Variants in TBX15 observed in about 807,000 individuals in gnomAD.
The protein encoded by TBX15 is T-box transcription factor 15, also known as T-box transcription factor TBX15.
TBX15 carries 18 observed loss-of-function variants against 53.9 expected under a neutral mutation model. The ratio of observed to expected loss-of-function variants is 0.33; its 90% CI spans 0.23 to 0.49. The LOEUF is 0.49. Ranked by LOEUF, TBX15 falls within the 20% of genes least tolerant of loss-of-function variation. The pLI is 0.98. For missense variants in TBX15, 692 were observed against 749.5 expected, an observed-to-expected ratio of 0.92 and a Z score of 0.90; for synonymous variants, 295 against 278.0, an observed-to-expected ratio of 1.06 and a Z score of -0.61.
intron 1 of TBX15, among the ~76,000 whole-genome samples, chr1:118,984,371 G>T (rs1459506560): frequency 6.6e-6 from 1 of 152,246 alleles, no homozygotes; most frequent in South Asian, 2.1e-4. Flanking sequence ...TTCGCTCCGC[G>T]GGAGACCCGG....
intron 2 of TBX15, among the ~76,000 whole-genome samples, chr1:118,929,712 G>T (rs10923699): frequency 0.21 from 31,406 of 152,078 alleles, 4,014 homozygotes; most frequent in East Asian, 0.54. Context: ...TCACAAGAAG[G>T]TTGTCAAGGA....
At chr1:118,939,558 G>C (rs531008577) in intron 1 of TBX15, among the ~76,000 whole-genome samples, 2 of 151,990 alleles carry the variant, frequency 1.3e-5, no homozygotes, top group Admixed American at 1.3e-4. Context: ...TGGTGGAAGA[G>C]GGAGGCATGG....
rs972483917 is a variant in TBX15 at position 118,940,741 on chromosome 1, T to A, written c.206-8909A>T. On this transcript the variant is annotated intron_variant, in intron 1 of 7. Coordinates refer to ENST00000369429, the MANE Select transcript of TBX15 (RefSeq NM_001330677.2). ...TATCAGAAAAACAAAAAAAAATAAA[T>A]AAAGGACAAATATGGGCCCCGACTT... 1.7e-3 allele frequency among the ~76,000 whole-genome samples: 247 copies of A among 144,520 alleles called. 1 individual carries two copies. Among genetic ancestry groups the A allele is most frequent in the Middle Eastern group, 3.6e-3 (1 of 280 alleles). 94.8% of individuals were successfully genotyped at this position (144,520 alleles called of 152,430 possible).
intron 1 of TBX15, among the ~76,000 whole-genome samples, chr1:118,953,938 C>T (rs1169375067): frequency 6.6e-6 from 1 of 152,162 alleles, no homozygotes; most frequent in African/African-American, 2.4e-5. Flanking sequence ...CTTTGCCTAC[C>T]CTTCTAAGTT....
chr1:118,884,428 CATT>C lies in TBX15; in HGVS notation c.*301_*303del, dbSNP rs977354006. The C allele has an allele frequency of 5.8e-5, 25 of 432,960 alleles. No homozygotes were observed. The highest frequency in any genetic ancestry group is 5.0e-4 in the African/African-American group (25 of 50,110). 26.8% of individuals were successfully genotyped at this position (432,960 alleles called of 1,614,324 possible). Reference sequence around the variant, plus strand: ...TGCCACACACTAGCATCTCCCTTAACATTATGACGAAGTGATTATTCAGTCTCT... The same window carrying C: ...TGCCACACACTAGCATCTCCCTTAACATGACGAAGTGATTATTCAGTCTCT... On this transcript the variant is annotated 3_prime_UTR_variant, in exon 8 of 8. Transcript: ENST00000369429.
chr1:118,943,837 G>A (rs1034508092), intron 1 of TBX15, among the ~76,000 whole-genome samples: 1 of 152,194 alleles, frequency 6.6e-6, no homozygotes, highest in Admixed American at 6.5e-5. Flanking sequence ...ACGAGCAGGA[G>A]GCCTGAAAGG....
intron 7 of TBX15, among the ~76,000 whole-genome samples, chr1:118,890,669 A>G (rs1654107731): frequency 6.6e-6 from 1 of 152,214 alleles, no homozygotes; most frequent in Non-Finnish European, 1.5e-5. Flanking sequence ...AAACGTGACC[A>G]TGAAAATCCT....
At chr1:118,915,885 T>TAA (rs1223786295) in intron 5 of TBX15, among the ~76,000 whole-genome samples, 9 of 152,154 alleles carry the variant, frequency 5.9e-5, no homozygotes. Flanking sequence ...GGGGAAATGG[T>TAA]TAAAAATATA....
intron 1 of TBX15, among the ~76,000 whole-genome samples, chr1:118,940,771 A>G (rs1227079656): frequency 6.6e-6 from 1 of 151,916 alleles, no homozygotes; most frequent in Non-Finnish European, 1.5e-5. Flanking sequence ...CGACTTTTCT[A>G]AAACAGTCCT....
In TBX15 at chr1:118,908,299, T is replaced by A. The variant is rs1464556915; in HGVS notation, c.926+5816A>T. Among the ~76,000 whole-genome samples, 10 of 150,788 alleles carry A rather than the reference T, an allele frequency of 6.6e-5. No individual in the cohort carries two copies. The East Asian group carries it at 2.0e-3, about 29-fold the overall frequency. On this transcript the variant is annotated intron_variant, in intron 6 of 7. Transcript: ENST00000369429. ...GAAAAAAAATACAAGAACAGAAACC[T>A]GCAATAGGTACAGTCCCAGTCTTCC...
intron 1 of TBX15, among the ~76,000 whole-genome samples, chr1:118,963,712 T>C (rs1398766229): frequency 6.6e-6 from 1 of 152,214 alleles, no homozygotes; most frequent in Non-Finnish European, 1.5e-5. Context: ...GACTATTACA[T>C]CAGTGGGTCT....
At chr1:118,946,026 G>A (rs558864229) in intron 1 of TBX15, among the ~76,000 whole-genome samples, 7 of 152,134 alleles carry the variant, frequency 4.6e-5, no homozygotes, top group Non-Finnish European at 8.8e-5. Flanking sequence ...TTTATACCAA[G>A]TACTACACAA....
chr1:118,920,937 G>T (rs1655403469), intron 5 of TBX15, among the ~76,000 whole-genome samples: 1 of 152,172 alleles, frequency 6.6e-6, no homozygotes, highest in Non-Finnish European at 1.5e-5. Flanking sequence ...CACTTTGGGA[G>T]GCCGAGGTGG....
chr1:118,987,016 T>C (rs1188793765), intron 1 of TBX15, among the ~76,000 whole-genome samples: 1 of 152,174 alleles, frequency 6.6e-6, no homozygotes, highest in Non-Finnish European at 1.5e-5. Flanking sequence ...ATGTGGGCCC[T>C]GAAGAGTGAC....
intron 7 of TBX15, among the ~76,000 whole-genome samples, chr1:118,885,922 T>C (rs1653927534): frequency 6.6e-6 from 1 of 152,240 alleles, no homozygotes; most frequent in Admixed American, 6.5e-5. Context: ...CTTTTCCCAT[T>C]CTTAATGGAA....
intron 1 of TBX15, among the ~76,000 whole-genome samples, chr1:118,949,720 C>T (rs1023143053): frequency 6.6e-6 from 1 of 152,222 alleles, no homozygotes; most frequent in African/African-American, 2.4e-5. Context: ...AGAGAAAGAG[C>T]TGCTACTTTT....
At chr1:118,926,038 C>T (rs1655585260) in intron 3 of TBX15, among the ~76,000 whole-genome samples, 1 of 152,054 alleles carries the variant, frequency 6.6e-6, no homozygotes, top group Non-Finnish European at 1.5e-5. Flanking sequence ...AATAATAATT[C>T]TCCATAAGTA....
Position 118,884,890 on chromosome 1 carries a change from C to A in TBX15, c.1651G>T (p.Ala551Ser), listed in dbSNP as rs1373546165. The change falls in exon 8 of 8, where the codon GCC becomes TCC. Residue 551 changes from alanine (A) to serine (S), a missense_variant. Coordinates refer to ENST00000369429, the MANE Select transcript of TBX15 (RefSeq NM_001330677.2). Reference protein sequence around the residue: ...TLLCSSPSNGAFGERQYLPSG... With the variant: ...TLLCSSPSNGSFGERQYLPSG... ...GGCAGGTACTGCCTCTCTCCAAAGG[C>A]CCCGTTGGAAGGAGAAGAACAGAGT... The A allele has an allele frequency of 6.2e-7, 1 of 1,614,180 alleles. No individual in the cohort carries two copies. Among genetic ancestry groups the A allele is most frequent in the Non-Finnish European group, 8.5e-7 (1 of 1,180,028 alleles).
intron 6 of TBX15, among the ~76,000 whole-genome samples, chr1:118,909,290 C>A (rs1027401930): frequency 6.6e-6 from 1 of 152,230 alleles, no homozygotes; most frequent in Non-Finnish European, 1.5e-5. Flanking sequence ...GGGGTTGTGG[C>A]ATAAGCGAGA....
Sources: gnomAD v4.1 joint callset for allele counts (sites outside exome capture counted in the v4.1 genomes callset) on GRCh38, gnomAD v4.1.1 for gene constraint, MANE v1.5 for transcripts, NCBI Gene and HGNC (gene_info 2026-07-23, HGNC 2026-07-21) for gene names.